The following SH3GL2 variants were observed in gnomAD, a reference collection of about 807,000 sequenced individuals.
The protein encoded by SH3GL2 is endophilin-A1.
In SH3GL2, 24 loss-of-function variants were observed where a neutral mutation model predicts 46.0. The observed-to-expected ratio is 0.52, with a 90% confidence interval of 0.38 to 0.73. The LOEUF (loss-of-function observed/expected upper bound fraction) is 0.73, where lower values mean the gene tolerates loss of function less well. Ranked by LOEUF, SH3GL2 falls within the 30% of genes least tolerant of loss-of-function variation. The pLI is 0.00. For synonymous variants in SH3GL2, 196 were observed against 147.1 expected (o/e 1.33, Z -2.40); for missense variants, 413 against 424.2 (o/e 0.97, Z 0.23).
chr9:17,671,974 AAATT>A (rs1271569434), intron 1 of SH3GL2, among the ~76,000 whole-genome samples: 3 of 152,186 alleles, frequency 2.0e-5, no homozygotes, highest in African/African-American at 7.2e-5. Flanking sequence ...CCATACCAGT[AAATT>A]AATTCTATTT....
chr9:17,615,343 A>G (rs1006925805), intron 1 of SH3GL2, among the ~76,000 whole-genome samples: 2 of 151,870 alleles, frequency 1.3e-5, no homozygotes, highest in African/African-American at 4.8e-5. Context: ...TTCATTTGTC[A>G]TTTTTCCTTG....
At chr9:17,640,620 G>A (rs958568861) in intron 1 of SH3GL2, among the ~76,000 whole-genome samples, 1 of 152,182 alleles carries the variant, frequency 6.6e-6, no homozygotes, top group African/African-American at 2.4e-5. Flanking sequence ...GACCACCTAT[G>A]TCAGATGTAG....
chr9:17,761,555 T>C, intron 3 of SH3GL2, 46 bp downstream of exon 3: 1 of 1,119,878 alleles, frequency 8.9e-7, no homozygotes, highest in South Asian at 1.2e-5. Flanking sequence ...GAGGTAACTT[T>C]TAGTTTCTCT....
intron 3 of SH3GL2, among the ~76,000 whole-genome samples, chr9:17,762,219 T>C (rs7036989): frequency 0.65 from 98,347 of 151,632 alleles, 32,402 homozygotes; most frequent in East Asian, 0.96. Flanking sequence ...AAACGGGAAG[T>C]GAGGCTGGTT....
chr9:17,685,302 C>G (rs118080763), intron 1 of SH3GL2, among the ~76,000 whole-genome samples: 1,556 of 152,168 alleles, frequency 0.01, 17 homozygotes, highest in Middle Eastern at 0.024. Flanking sequence ...GAGGCAGTTT[C>G]TACTTCTTCA....
chr9:17,724,959 T>C (rs939654576), intron 1 of SH3GL2, among the ~76,000 whole-genome samples: 3 of 152,148 alleles, frequency 2.0e-5, no homozygotes, highest in Non-Finnish European at 4.4e-5. Context: ...ATTTATACTT[T>C]TGTCCTGAGT....
rs528613755 is a variant in SH3GL2, at chr9:17,589,463, A to G, written c.45+10176A>G. The G allele has an allele frequency of 6.2e-4, 94 of 152,018 alleles. 1 individual carries two copies. Among genetic ancestry groups the G allele is most frequent in the African/African-American group, 2.1e-3 (89 of 41,470 alleles). The allele number at this position is 152,018 out of a possible 1,614,324, so 9.4% of individuals were successfully genotyped here. A position where few individuals can be genotyped will look rare whatever the true frequency, so the allele number is the denominator to read the frequency against. On this transcript the variant is annotated intron_variant, in intron 1 of 8. Coordinates refer to ENST00000380607, the MANE Select transcript of SH3GL2 (RefSeq NM_003026.5). ...GCTCCTGATCAGTTTTTTTTTTAACAGTGGCACCGTTAAGTACTTGCTGAG... is the reference window on the plus strand; with the variant it reads ...GCTCCTGATCAGTTTTTTTTTTAACGGTGGCACCGTTAAGTACTTGCTGAG...
At chr9:17,584,413 G>C (rs1818333210) in intron 1 of SH3GL2, among the ~76,000 whole-genome samples, 1 of 152,178 alleles carries the variant, frequency 6.6e-6, no homozygotes, top group Non-Finnish European at 1.5e-5. Context: ...TGAGGCAGGA[G>C]AATTGCCTGA....
intron 1 of SH3GL2, among the ~76,000 whole-genome samples, chr9:17,617,985 G>C (rs1302005520): frequency 6.6e-6 from 1 of 152,154 alleles, no homozygotes; most frequent in Non-Finnish European, 1.5e-5. Context: ...TTAGGGGATA[G>C]AAATGGGTGG....
chr9:17,733,198 C>T (rs1453724814), intron 1 of SH3GL2, among the ~76,000 whole-genome samples: 5 of 152,218 alleles, frequency 3.3e-5, no homozygotes, highest in East Asian at 3.9e-4. Context: ...CAAAGCAAAA[C>T]GAAGTTAGAC....
At chr9:17,603,991 A>C (rs1249367495) in intron 1 of SH3GL2, among the ~76,000 whole-genome samples, 2 of 152,210 alleles carry the variant, frequency 1.3e-5, no homozygotes, top group South Asian at 4.1e-4. Context: ...TAAAAAATAG[A>C]AAAAAGGGTG....
chr9:17,761,537 G>C, intron 3 of SH3GL2, 28 bp downstream of exon 3: 1 of 1,316,018 alleles, frequency 7.6e-7, no homozygotes, highest in Non-Finnish European at 1.1e-6. Flanking sequence ...ATGTTTAAAG[G>C]ATCCCTCGAG....
chr9:17,677,134 T>G (rs903642822), intron 1 of SH3GL2, among the ~76,000 whole-genome samples: 1 of 152,090 alleles, frequency 6.6e-6, no homozygotes. Context: ...AGAACCCACG[T>G]TCATATTCTG....
intron 1 of SH3GL2, among the ~76,000 whole-genome samples, chr9:17,603,658 C>T (rs575463068): frequency 4.6e-5 from 7 of 152,042 alleles, no homozygotes; most frequent in African/African-American, 1.4e-4. Context: ...GTCAGGGGTT[C>T]GAGACCAGCC....
intron 1 of SH3GL2, among the ~76,000 whole-genome samples, chr9:17,586,555 A>G (rs766214476): frequency 8.5e-5 from 13 of 152,186 alleles, no homozygotes; most frequent in Non-Finnish European, 1.3e-4. Flanking sequence ...TAAAGGAAAG[A>G]GGTGTAATTG....
At position 17,791,208 on chromosome 9, in the gene SH3GL2, A is replaced by G. The variant is rs756858052; in HGVS notation, c.625-23A>G. The G allele has an allele frequency of 4.5e-6, 7 of 1,565,994 alleles. No individual in the cohort carries two copies. The South Asian group carries it at 7.8e-5, about 17-fold the overall frequency. ...GGATGGTAACGTGTAAAACTAAGGC[A>G]TGATTTTCCCATCAATCTGCAGATT... On this transcript the variant is annotated intron_variant, in intron 6 of 8. Transcript: ENST00000380607.
At chr9:17,727,814 C>T (rs1006943681) in intron 1 of SH3GL2, among the ~76,000 whole-genome samples, 1 of 152,108 alleles carries the variant, frequency 6.6e-6, no homozygotes, top group Non-Finnish European at 1.5e-5. Context: ...CTTTACTGAC[C>T]TTCCCTTTCC....
intron 1 of SH3GL2, among the ~76,000 whole-genome samples, chr9:17,692,880 A>G (rs1170470126): frequency 6.6e-6 from 1 of 152,108 alleles, no homozygotes; most frequent in Non-Finnish European, 1.5e-5. Flanking sequence ...TGGTGGCAAG[A>G]GAAAAATGAG....
chr9:17,605,107 G>A (rs1453409940), intron 1 of SH3GL2, among the ~76,000 whole-genome samples: 2 of 151,752 alleles, frequency 1.3e-5, no homozygotes, highest in Admixed American at 6.6e-5. Context: ...CGAGTAGCTG[G>A]GAATACAGGC....
Sources: allele counts gnomAD v4.1 joint callset (sites outside exome capture counted in the v4.1 genomes callset), GRCh38; gene constraint gnomAD v4.1.1; transcripts MANE v1.5; gene names NCBI Gene and HGNC (gene_info 2026-07-23, HGNC 2026-07-21).